The following FAM171B variants were observed in gnomAD, a reference collection of about 807,000 sequenced individuals.
The protein encoded by FAM171B is family with sequence similarity 171 member B.
Under a neutral mutation model 75.6 loss-of-function variants are expected in FAM171B, and 19 were observed. The ratio of observed to expected loss-of-function variants is 0.25; its 90% confidence interval spans 0.18 to 0.37. The LOEUF is 0.37. Ranked by LOEUF, FAM171B falls within the 10% of genes least tolerant of loss-of-function variation. The pLI is 1.00. For synonymous variants in FAM171B, 367 were observed against 361.7 expected, an observed-to-expected ratio of 1.01 and a Z score of -0.17; for missense variants, 848 against 982.4, an observed-to-expected ratio of 0.86 and a Z score of 1.83.
chr2:186,733,660 G>C (rs1334823835), intron 1 of FAM171B, among the ~76,000 whole-genome samples: 1 of 152,174 alleles, frequency 6.6e-6, no homozygotes, highest in Admixed American at 6.5e-5. Context: ...GTGGGTGAGT[G>C]GGGGGTGTGT....
intron 6 of FAM171B, among the ~76,000 whole-genome samples, chr2:186,759,366 G>T (rs1270402146): frequency 6.6e-6 from 1 of 152,064 alleles, no homozygotes; most frequent in Non-Finnish European, 1.5e-5. Flanking sequence ...TATATATCTA[G>T]CAGTGGGGTT....
intron 1 of FAM171B, among the ~76,000 whole-genome samples, chr2:186,734,736 G>T (rs1690172048): frequency 6.6e-6 from 1 of 152,184 alleles, no homozygotes; most frequent in African/African-American, 2.4e-5. Context: ...GTGCTGAGGG[G>T]TACCCGCAAT....
At chr2:186,734,483 G>T (rs899045155) in intron 1 of FAM171B, among the ~76,000 whole-genome samples, 9 of 151,850 alleles carry the variant, frequency 5.9e-5, no homozygotes, top group Non-Finnish European at 1.0e-4. Context: ...CCATAAGCAG[G>T]TCATCACAAC....
In FAM171B at chr2:186,748,744, C is replaced by T. The variant is rs114562710; in HGVS notation, c.724+1494C>T. 1.8e-3 allele frequency among the ~76,000 whole-genome samples: 271 copies of T among 152,280 alleles called. 1 individual carries two copies. Among genetic ancestry groups the T allele is most frequent in the Admixed American group, 5.7e-3 (87 of 15,292 alleles). ...GATAGGTGCTTCCTGGGATTACTTA[C>T]CAAATAAACTATTTGCCCTCAAATT... On this transcript the variant is annotated intron_variant, in intron 4 of 7. Transcript: ENST00000304698.
intron 1 of FAM171B, among the ~76,000 whole-genome samples, chr2:186,736,538 C>CCGTGTGTGTG (rs1553511469): frequency 8.1e-6 from 1 of 122,944 alleles, no homozygotes; most frequent in African/African-American, 3.0e-5. Flanking sequence ...ATGTTTGTGG[C>CCGTGTGTGTG]TGTGTGTGTG....
intron 5 of FAM171B, 123 bp downstream of exon 5, chr2:186,751,427 AG>A: frequency 1.2e-6 from 1 of 843,866 alleles, no homozygotes; most frequent in Non-Finnish European, 1.7e-6. Flanking sequence ...TGTATTTGTT[AG>A]TGACCAAAAT....
intron 1 of FAM171B, among the ~76,000 whole-genome samples, chr2:186,733,146 G>C (rs1268489895): frequency 1.3e-5 from 2 of 152,162 alleles, no homozygotes; most frequent in East Asian, 1.9e-4. Context: ...TGAGACTTTG[G>C]TCAATTTTCA....
At chr2:186,700,797 T>A (rs1316144606) in intron 1 of FAM171B, among the ~76,000 whole-genome samples, 1 of 152,222 alleles carries the variant, frequency 6.6e-6, no homozygotes, top group Non-Finnish European at 1.5e-5. Flanking sequence ...TGAAAAATGT[T>A]TTTGTTCCCC....
At chr2:186,724,409 G>C (rs773056461) in intron 1 of FAM171B, among the ~76,000 whole-genome samples, 1 of 152,144 alleles carries the variant, frequency 6.6e-6, no homozygotes, top group Non-Finnish European at 1.5e-5. Context: ...GACAGCTTTG[G>C]ACCCTAAGAC....
At chr2:186,695,369 T>A (rs1689564868) in intron 1 of FAM171B, 1 of 152,194 alleles carries the variant, frequency 6.6e-6, no homozygotes, top group Admixed American at 6.5e-5. Flanking sequence ...GATTCTTGTC[T>A]GCTATTTGGA....
At chr2:186,728,716 A>G (rs557296752) in intron 1 of FAM171B, among the ~76,000 whole-genome samples, 125 of 152,330 alleles carry the variant, frequency 8.2e-4, no homozygotes, top group African/African-American at 2.8e-3. Flanking sequence ...TGAAATTATT[A>G]TAGATACTTG....
intron 1 of FAM171B, among the ~76,000 whole-genome samples, chr2:186,737,662 T>C (rs181766562): frequency 3.9e-5 from 6 of 152,356 alleles, no homozygotes; most frequent in African/African-American, 1.4e-4. Flanking sequence ...ATATACCTAA[T>C]GGATAAGGCT....
chr2:186,734,253 G>C (rs1351601402), intron 1 of FAM171B, among the ~76,000 whole-genome samples: 1 of 152,096 alleles, frequency 6.6e-6, no homozygotes. Flanking sequence ...AGAGTGGGTA[G>C]CTCCTATCCA....
chr2:186,762,674 G>C lies in FAM171B; in HGVS notation c.2332G>C (p.Glu778Gln). 1 of 1,613,062 alleles carries C rather than the reference G, an allele frequency of 6.2e-7. No homozygotes were observed. The highest frequency in any genetic ancestry group is 1.1e-5 in the South Asian group (1 of 91,056). Residue 778 changes from glutamate to glutamine, a missense_variant, in exon 8 of 8, where the codon GAG becomes CAG. By Grantham distance (29) the Glu-to-Gln change is conservative. Transcript: ENST00000304698. The surrounding 1 kb of genome is among the most constrained non-coding windows in gnomAD (Gnocchi z 4.0). Reference protein sequence around the residue: ...SGVIMEHPGEESPGRKSTVED... With the variant: ...SGVIMEHPGEQSPGRKSTVED... ...AGTGATCATGGAGCACCCTGGAGAA[G>C]AGTCGCCAGGAAGGAAAAGCACTGT... is the stretch of plus-strand genomic sequence containing the variant.
At chr2:186,727,964 G>T (rs575891990) in intron 1 of FAM171B, among the ~76,000 whole-genome samples, 1 of 152,032 alleles carries the variant, frequency 6.6e-6, no homozygotes, top group African/African-American at 2.4e-5. Context: ...AAAATGGTGG[G>T]TAGAGAGCAA....
chr2:186,714,553 A>G (rs1453281641), intron 1 of FAM171B, among the ~76,000 whole-genome samples: 1 of 152,256 alleles, frequency 6.6e-6, no homozygotes, highest in East Asian at 1.9e-4. Context: ...GTCATGATAT[A>G]AATTGTGTCC....
At chr2:186,709,223 G>C (rs1176937268) in intron 1 of FAM171B, among the ~76,000 whole-genome samples, 2 of 152,070 alleles carry the variant, frequency 1.3e-5, no homozygotes, top group Non-Finnish European at 2.9e-5. Context: ...CCTCCCACCA[G>C]GCCCCATCTC....
intron 1 of FAM171B, among the ~76,000 whole-genome samples, chr2:186,700,284 G>A (rs966231117): frequency 2.0e-5 from 3 of 151,150 alleles, no homozygotes; most frequent in Non-Finnish European, 2.9e-5. Flanking sequence ...ATGTACATAT[G>A]TGAAATGTAC....
chr2:186,736,567 G>GTGTGTGGGAGAGAGA (rs55683607), intron 1 of FAM171B, among the ~76,000 whole-genome samples: 1 of 104,590 alleles, frequency 9.6e-6, no homozygotes, highest in African/African-American at 3.4e-5. Flanking sequence ...TGTGTGTGTG[G>GTGTGTGGGAGAGAGA]GAGAGAGAGA....
Sources: gnomAD v4.1 joint callset for allele counts (sites outside exome capture counted in the v4.1 genomes callset) on GRCh38, gnomAD v4.1.1 for gene constraint, Gnocchi (gnomAD v3.1) non-coding constraint, MANE v1.5 for transcripts, NCBI Gene and HGNC (gene_info 2026-07-23, HGNC 2026-07-21) for gene names.